NRDE2: variants seen among roughly 807,000 people sequenced by gnomAD.
The protein encoded by NRDE2 is NRDE-2, necessary for RNA interference, domain containing.
Under a neutral mutation model 124.2 loss-of-function variants are expected in NRDE2, and 76 were observed. The observed-to-expected ratio is 0.61, with a 90% CI of 0.51 to 0.74. NRDE2 has a LOEUF of 0.74. Ranked by LOEUF, NRDE2 falls within the 30% of genes least tolerant of loss-of-function variation. NRDE2 has a pLI of 0.00. For missense variants in NRDE2, 1,314 were observed against 1,417.3 expected (o/e 0.93, Z 1.17); for synonymous variants, 489 against 528.1 (o/e 0.93, Z 1.01).
At chr14:90,292,337 G>A (rs774811190) in intron 9 of NRDE2, among the ~76,000 whole-genome samples, 22 of 152,148 alleles carry the variant, frequency 1.4e-4, no homozygotes, top group Non-Finnish European at 4.4e-5. Flanking sequence ...CAGTGATTCC[G>A]AGTTTTTTGA....
rs1424692342 is a variant in NRDE2 at position 90,276,663 on chromosome 14, C to T, written c.*1673G>A. 7 of 152,174 alleles carry T rather than the reference C, an allele frequency of 4.6e-5. No individual in the cohort carries two copies. The highest frequency in any genetic ancestry group is 1.7e-4 in the African/African-American group (7 of 41,434). The allele number at this position is 152,174 out of a possible 1,614,324, so 9.4% of individuals were successfully genotyped here. A position where few individuals can be genotyped will look rare whatever the true frequency, so the allele number is the denominator to read the frequency against. ...AATCTGTTCGAGCAGCCGCTTTATCCTCTCGGGGGCTCACTGCCCACTGCT... is the reference window on the plus strand; with the variant it reads ...AATCTGTTCGAGCAGCCGCTTTATCTTCTCGGGGGCTCACTGCCCACTGCT... On this transcript the variant is annotated 3_prime_UTR_variant, in exon 14 of 14. Coordinates refer to ENST00000354366, the MANE Select transcript of NRDE2 (RefSeq NM_017970.4).
intron 1 of NRDE2, among the ~76,000 whole-genome samples, chr14:90,320,767 G>T (rs1409431612): frequency 6.6e-6 from 1 of 152,162 alleles, no homozygotes; most frequent in African/African-American, 2.4e-5. Context: ...CAAACACCAG[G>T]CTAAGAACTT....
rs1040003939 is a variant in NRDE2 at position 90,273,447 on chromosome 14, A to T, written c.*4889T>A. ...GTGGCAGGTGCCTGTAGTCCCAGCT[A>T]CTCAGGAGGCTGAGGCAGGACAATC... On this transcript the variant is annotated 3_prime_UTR_variant, in exon 14 of 14. Transcript: ENST00000354366. The T allele has an allele frequency of 6.6e-6, 1 of 152,198 alleles. No homozygotes were observed. Among genetic ancestry groups the T allele is most frequent in the Non-Finnish European group, 1.5e-5 (1 of 68,080 alleles). 9.4% of individuals were successfully genotyped at this position (152,198 alleles called of 1,614,324 possible). A position where few individuals can be genotyped will look rare whatever the true frequency, so the allele number is the denominator to read the frequency against.
chr14:90,282,477 C>CA (rs112128427), intron 12 of NRDE2, among the ~76,000 whole-genome samples: 43,376 of 135,002 alleles, frequency 0.32, 6,867 homozygotes, highest in Middle Eastern at 0.48. Flanking sequence ...GACCCTATCT[C>CA]AAAAAAAAAA....
chr14:90,288,287 G>A lies in NRDE2; in HGVS notation c.3088C>T (p.Pro1030Ser), dbSNP rs1892163509. Residue 1030 changes from proline to serine, a missense_variant, in exon 11 of 14, where the codon CCC becomes TCC. Physicochemically the swap from Pro to Ser is moderately conservative, Grantham distance 74 (BLOSUM62 -1). Coordinates refer to ENST00000354366, the MANE Select transcript of NRDE2 (RefSeq NM_017970.4). Reference sequence around the variant, plus strand: ...ATTGCAAACAACCAAGGCTCCAAGGGTTTGGCAGACCTGGTGATTGTGTCA... The same window carrying A: ...ATTGCAAACAACCAAGGCTCCAAGGATTTGGCAGACCTGGTGATTGTGTCA... ...FFDTITRSAKPLEPWLFAIEA... is the reference protein window; with the variant it reads ...FFDTITRSAKSLEPWLFAIEA... 2 of 1,614,020 alleles carry A rather than the reference G, an allele frequency of 1.2e-6. No homozygotes were observed. The highest frequency in any genetic ancestry group is 1.7e-6 in the Non-Finnish European group (2 of 1,180,046).
At chr14:90,308,268 T>C (rs117948047) in intron 4 of NRDE2, among the ~76,000 whole-genome samples, 2,301 of 152,312 alleles carry the variant, frequency 0.015, 21 homozygotes, top group Non-Finnish European at 0.024. Context: ...ATTTTCCAAA[T>C]ATAGTTTGAC....
chr14:90,307,432 T>C (rs1884647503), intron 4 of NRDE2, among the ~76,000 whole-genome samples: 1 of 145,662 alleles, frequency 6.9e-6, no homozygotes, highest in Non-Finnish European at 1.5e-5. Flanking sequence ...CCTTATCAAA[T>C]AATCAACTAA....
chr14:90,304,006 C>T lies in NRDE2; in HGVS notation c.934G>A (p.Glu312Lys). The change falls in exon 5 of 14, where the codon GAG becomes AAG. Residue 312 changes from glutamate to lysine, a missense_variant. Physicochemically the swap from Glu to Lys is moderately conservative, Grantham distance 56. Transcript: ENST00000354366. Reference protein sequence around the residue: ...SESAALKAKVEEFNRRVRENP... With the variant: ...SESAALKAKVKEFNRRVRENP... ...TCCCGCACCCTCCTGTTAAACTCCT[C>T]CACCTTGGCCTTGAGAGCCGCACTC... is the stretch of plus-strand genomic sequence containing the variant. 6.2e-7 allele frequency: 1 copy of T among 1,614,014 alleles called. No individual in the cohort carries two copies. Among genetic ancestry groups the T allele is most frequent in the East Asian group, 2.2e-5 (1 of 44,886 alleles).
intron 13 of NRDE2, 143 bp from the exon 14 acceptor site, chr14:90,278,604 C>T: frequency 1.0e-5 from 10 of 998,162 alleles, no homozygotes; most frequent in Non-Finnish European, 1.0e-5. Context: ...CTGAGACTTT[C>T]TTAACTCGGG....
intron 12 of NRDE2, among the ~76,000 whole-genome samples, chr14:90,283,191 A>C (rs1182288158): frequency 2.6e-5 from 4 of 152,154 alleles, no homozygotes; most frequent in African/African-American, 7.2e-5. Flanking sequence ...GCCTGCCCAG[A>C]TGCCTCAGGA....
At chr14:90,292,564 G>GAGC in intron 9 of NRDE2, 133 bp downstream of exon 9, 1 of 903,694 alleles carries the variant, frequency 1.1e-6, no homozygotes, top group Non-Finnish European at 1.7e-6. Context: ...ACAGGAGCAG[G>GAGC]TTAGCATCTC....
Position 90,278,307 on chromosome 14 carries a change from G to A in NRDE2, c.*29C>T, listed in dbSNP as rs779702464. The A allele has an allele frequency of 2.1e-5, 34 of 1,613,398 alleles. No individual in the cohort carries two copies. The highest frequency in any genetic ancestry group is 1.3e-4 in the Admixed American group (8 of 59,986). On this transcript the variant is annotated 3_prime_UTR_variant, in exon 14 of 14. Transcript: ENST00000354366. The stretch of plus-strand genomic sequence containing the variant: ...TCCGCAGGGTGGGCAACTTGGCCTC[G>A]CAGGCACAGCCCGTTTTCCCGCTGC...
At chr14:90,323,879 CT>C (rs961682370) in intron 1 of NRDE2, among the ~76,000 whole-genome samples, 1 of 151,512 alleles carries the variant, frequency 6.6e-6, no homozygotes, top group African/African-American at 2.4e-5. Context: ...ATCTGAGTCT[CT>C]TTTTTTTTAT....
chr14:90,316,528 G>GA (rs774207568), intron 3 of NRDE2, 50 bp downstream of exon 3: 1 of 1,361,986 alleles, frequency 7.3e-7, no homozygotes, highest in Non-Finnish European at 1.0e-6. Flanking sequence ...AATTAAGGGA[G>GA]AAAAACTCAA....
intron 1 of NRDE2, among the ~76,000 whole-genome samples, chr14:90,326,442 C>T (rs1322411081): frequency 2.7e-5 from 4 of 147,750 alleles, no homozygotes; most frequent in East Asian, 4.0e-4. Context: ...TGCAGTGAGC[C>T]GAGATCGCGC....
Position 90,288,671 on chromosome 14 carries a change from G to T in NRDE2, c.2704C>A (p.Arg902Ser), listed in dbSNP as rs142250129. Residue 902 changes from arginine (R) to serine (S), a missense_variant, in exon 11 of 14, where the codon CGC (arginine) becomes AGC (serine). Arg to Ser is a moderately radical substitution (Grantham distance 110, BLOSUM62 -1). Transcript: ENST00000354366. ...SNPAPTDSCSRLISLAKCFML... is the reference protein window; with the variant it reads ...SNPAPTDSCSSLISLAKCFML... ...AAGCATTTAGCCAGGCTAATTAGGC[G>T]GCTACAGGAATCGGTGGGAGCTGGA... 1.5e-5 allele frequency: 24 copies of T among 1,614,024 alleles called. No homozygotes were observed. Among genetic ancestry groups the T allele is most frequent in the Non-Finnish European group, 1.8e-5 (21 of 1,180,040 alleles).
At chr14:90,315,006 G>A (rs1320511255) in intron 3 of NRDE2, among the ~76,000 whole-genome samples, 2 of 151,444 alleles carry the variant, frequency 1.3e-5, no homozygotes, top group Non-Finnish European at 2.9e-5. Context: ...GAAAAACCCC[G>A]TCTCTACTAA....
At chr14:90,312,036 C>T (rs1884860417) in intron 4 of NRDE2, among the ~76,000 whole-genome samples, 1 of 152,118 alleles carries the variant, frequency 6.6e-6, no homozygotes, top group South Asian at 2.1e-4. Context: ...TAAATGAAAG[C>T]TTTCCAACTT....
intron 2 of NRDE2, among the ~76,000 whole-genome samples, chr14:90,317,338 T>TA (rs558506364): frequency 3.3e-5 from 5 of 152,182 alleles, no homozygotes; most frequent in African/African-American, 4.8e-5. Context: ...ATGTTGTTAA[T>TA]AAAAAAACCA....
Sources: allele counts gnomAD v4.1 joint callset (sites outside exome capture counted in the v4.1 genomes callset), GRCh38; gene constraint gnomAD v4.1.1; transcripts MANE v1.5; gene names NCBI Gene and HGNC (gene_info 2026-07-23, HGNC 2026-07-21).